The following CDYL variants were observed in gnomAD, a reference collection of about 807,000 sequenced individuals.
The protein encoded by CDYL is chromodomain Y like.
A neutral mutation model predicts 47.3 loss-of-function variants in CDYL; 8 were observed. The ratio of observed to expected loss-of-function variants is 0.17; its 90% confidence interval spans 0.10 to 0.31. The LOEUF is 0.31. Ranked by LOEUF, CDYL falls within the 10% of genes least tolerant of loss-of-function variation. CDYL has a pLI of 1.00. For synonymous variants in CDYL, 266 were observed against 265.0 expected (o/e 1.00, Z -0.04); for missense variants, 471 against 701.4 (o/e 0.67, Z 3.71).
chr6:4,799,902 A>C (rs192399251), intron 1 of CDYL, among the ~76,000 whole-genome samples: 1 of 152,158 alleles, frequency 6.6e-6, no homozygotes, highest in East Asian at 1.9e-4. Flanking sequence ...ATATTGTTAT[A>C]TTTTCCTTTT....
intron 1 of CDYL, among the ~76,000 whole-genome samples, chr6:4,805,694 A>G (rs1303943363): frequency 6.6e-6 from 1 of 152,182 alleles, no homozygotes; most frequent in Non-Finnish European, 1.5e-5. Flanking sequence ...GTGTGAGGGC[A>G]AGAGAAATGG....
In CDYL at chr6:4,799,853, C is replaced by T. The variant is rs115810543; in HGVS notation, c.24+23046C>T. Among the ~76,000 whole-genome samples the T allele has an allele frequency of 8.5e-3, 1,298 of 152,172 alleles. 21 individuals are homozygous for T. The highest frequency in any genetic ancestry group is 0.03 in the African/African-American group (1,232 of 41,524). On this transcript the variant is annotated intron_variant, in intron 1 of 6. Coordinates refer to ENST00000397588, the MANE Select transcript of CDYL (RefSeq NM_004824.4). ...ATTGGTTGTTTCTGTTTCTGTTTCACGTATTTTGAAGCTGTCATTAGATGG... is the reference window on the plus strand; with the variant it reads ...ATTGGTTGTTTCTGTTTCTGTTTCATGTATTTTGAAGCTGTCATTAGATGG...
intron 1 of CDYL, among the ~76,000 whole-genome samples, chr6:4,813,081 T>G (rs1418665461): frequency 1.3e-5 from 2 of 152,200 alleles, no homozygotes; most frequent in East Asian, 1.9e-4. Flanking sequence ...GGACACTGTT[T>G]TAATGGTCAG....
At chr6:4,890,741 T>C (rs1178583772) in intron 1 of CDYL, among the ~76,000 whole-genome samples, 1 of 152,248 alleles carries the variant, frequency 6.6e-6, no homozygotes, top group Non-Finnish European at 1.5e-5. Flanking sequence ...TTCTTAATAA[T>C]TGATAGGTGC....
At chr6:4,950,269 T>C (rs1758656441) in intron 5 of CDYL, among the ~76,000 whole-genome samples, 1 of 152,176 alleles carries the variant, frequency 6.6e-6, no homozygotes, top group Non-Finnish European at 1.5e-5. Flanking sequence ...CCCTTTGTGA[T>C]TGAACCGCAG....
At chr6:4,931,844 A>G (rs904977526) in intron 2 of CDYL, among the ~76,000 whole-genome samples, 14 of 152,230 alleles carry the variant, frequency 9.2e-5, no homozygotes, top group African/African-American at 3.4e-4. Flanking sequence ...CAAGTTCAGT[A>G]GTCTTGGTCA....
intron 1 of CDYL, among the ~76,000 whole-genome samples, chr6:4,837,264 A>G (rs1010841392): frequency 6.6e-6 from 1 of 152,248 alleles, no homozygotes; most frequent in Non-Finnish European, 1.5e-5. Flanking sequence ...ATGGAGGCAC[A>G]TGAAAGCAAA....
Position 4,737,761 on chromosome 6 carries a change from A to G in CDYL, c.186+2917A>G, listed in dbSNP as rs149474815. On this transcript the variant is annotated intron_variant, in intron 3 of 8. Coordinates refer to the CDYL transcript ENST00000328908. ...AGGATGGTCTCGATCTCTTGACCTCATGATCCACCCACTTTGGCCTCCCAG... is the reference window on the plus strand; with the variant it reads ...AGGATGGTCTCGATCTCTTGACCTCGTGATCCACCCACTTTGGCCTCCCAG... Among the ~76,000 whole-genome samples the G allele has an allele frequency of 4.8e-3, 738 of 152,168 alleles. 7 individuals are homozygous for G. The highest frequency in any genetic ancestry group is 0.017 in the South Asian group (80 of 4,816).
Position 4,891,235 on chromosome 6 carries a change from T to C in CDYL, c.25-478T>C, listed in dbSNP as rs889843319. 3.3e-5 allele frequency among the ~76,000 whole-genome samples: 5 copies of C among 152,238 alleles called. No homozygotes were observed. In the East Asian group the frequency reaches 9.6e-4, roughly 29 times the overall value. ...ATTGAGTGCTTCTGAATGATACTTG[T>C]GATACAGATCATATGTTTCTTTGAT... On this transcript the variant is annotated intron_variant, in intron 1 of 6. Coordinates refer to ENST00000397588, the MANE Select transcript of CDYL (RefSeq NM_004824.4).
chr6:4,864,712 C>G (rs1761270516), intron 1 of CDYL, among the ~76,000 whole-genome samples: 2 of 152,166 alleles, frequency 1.3e-5, no homozygotes, highest in Non-Finnish European at 2.9e-5. Flanking sequence ...CCTCATTTTT[C>G]TGTTGCTGTC....
chr6:4,947,960 G>C (rs536452268), intron 5 of CDYL, among the ~76,000 whole-genome samples: 5 of 152,196 alleles, frequency 3.3e-5, no homozygotes, highest in Non-Finnish European at 5.9e-5. Context: ...GGGTGGGGAC[G>C]TGGGTGGCTT....
intron 1 of CDYL, among the ~76,000 whole-genome samples, chr6:4,817,277 A>G (rs1759701721): frequency 6.6e-6 from 1 of 151,944 alleles, no homozygotes; most frequent in South Asian, 2.1e-4. Flanking sequence ...TCTTTCCCTC[A>G]GGCCTTTAAT....
chr6:4,895,431 A>G (rs796218581), intron 2 of CDYL, among the ~76,000 whole-genome samples: 1 of 22,258 alleles, frequency 4.5e-5, no homozygotes, highest in African/African-American at 9.6e-5. Context: ...GCATGTATAC[A>G]TGTATACGTA....
At chr6:4,722,774 G>C (rs768362884) in intron 2 of CDYL, among the ~76,000 whole-genome samples, 2 of 152,186 alleles carry the variant, frequency 1.3e-5, no homozygotes, top group Non-Finnish European at 2.9e-5. Flanking sequence ...CTACTCGGGA[G>C]GCTGAGGCAT....
At chr6:4,881,143 C>G (rs1415543036) in intron 1 of CDYL, among the ~76,000 whole-genome samples, 2 of 152,108 alleles carry the variant, frequency 1.3e-5, no homozygotes, top group Non-Finnish European at 2.9e-5. Flanking sequence ...GTGGAGCACT[C>G]AGTCCACTTA....
At chr6:4,825,836 C>T (rs1383230058) in intron 1 of CDYL, among the ~76,000 whole-genome samples, 1 of 144,882 alleles carries the variant, frequency 6.9e-6, no homozygotes, top group South Asian at 2.2e-4. Flanking sequence ...TTTATACATA[C>T]ACCTAGAATG....
intron 1 of CDYL, among the ~76,000 whole-genome samples, chr6:4,778,686 A>G (rs1020991972): frequency 4.6e-5 from 7 of 152,192 alleles, no homozygotes; most frequent in Non-Finnish European, 1.0e-4. Flanking sequence ...TTGGAAAAAA[A>G]GGTATTATAG....
At chr6:4,742,378 A>G (rs1561833100) in intron 3 of CDYL, among the ~76,000 whole-genome samples, 2 of 151,400 alleles carry the variant, frequency 1.3e-5, no homozygotes, top group East Asian at 1.9e-4. Context: ...AAAAAAAAAA[A>G]AAAGAAAAGA....
At position 4,776,751 on chromosome 6, in the gene CDYL, C is replaced by A; in HGVS notation, c.-33C>A. 1 of 1,090,038 alleles carries A rather than the reference C, an allele frequency of 9.2e-7. No individual in the cohort carries two copies. The highest frequency in any genetic ancestry group is 1.2e-6 in the Non-Finnish European group (1 of 822,054). The allele number at this position is 1,090,038 out of a possible 1,614,324, so 67.5% of individuals were successfully genotyped here. A position where few individuals can be genotyped will look rare whatever the true frequency, so the allele number is the denominator to read the frequency against. On this transcript the variant is annotated 5_prime_UTR_variant, in exon 1 of 7. The change creates a new upstream start codon in the 5' untranslated region. Transcript: ENST00000397588. ...CCCGGCGCCGGCGCCCGCCCCGACC[C>A]TGCCCCTCCCGCCCGCAACTCCGCC...
Sources: allele counts gnomAD v4.1 joint callset (sites outside exome capture counted in the v4.1 genomes callset), GRCh38; gene constraint gnomAD v4.1.1; transcripts MANE v1.5; gene names NCBI Gene and HGNC (gene_info 2026-07-23, HGNC 2026-07-21).